PDCD4: variants seen among roughly 807,000 people sequenced by gnomAD.
The protein encoded by PDCD4 is programmed cell death protein 4.
PDCD4 carries 56 observed loss-of-function variants against 54.0 expected under a neutral mutation model. The observed-to-expected ratio is 1.04, with a 90% CI of 0.84 to 1.30. The LOEUF is 1.30. Ranked by LOEUF, PDCD4 falls within the 50% of genes most tolerant of loss-of-function variation. The pLI is 0.00. For missense variants in PDCD4, 584 were observed against 559.8 expected (o/e 1.04, Z -0.44); for synonymous variants, 186 against 194.8 (o/e 0.95, Z 0.37).
chr10:110,887,981 A>AG, intron 6 of PDCD4, 95 bp downstream of exon 6: 1 of 728,424 alleles, frequency 1.4e-6, no homozygotes, highest in East Asian at 2.6e-5. Context: ...AGTAGATGGA[A>AG]GGGGATGGCC....
In PDCD4 at chr10:110,872,526, T is replaced by TCGGCCC. The variant is rs552621530; in HGVS notation, c.-63+515_-63+520dup. On this transcript the variant is annotated intron_variant, in intron 1 of 11. Coordinates refer to ENST00000280154, the MANE Select transcript of PDCD4 (RefSeq NM_014456.5). ...CCTTCGTGAACCCGGAGCCCCGGCC[T>TCGGCCC]CGGCCCCGGCCCAGCCCCTTCCGGG... Among the ~76,000 whole-genome samples, 73 of 152,034 alleles carry TCGGCCC rather than the reference T, an allele frequency of 4.8e-4. 1 individual carries two copies. In the South Asian group the frequency reaches 0.014, roughly 29 times the overall value.
chr10:110,880,027 T>C lies in PDCD4; in HGVS notation c.44-1206T>C, dbSNP rs767959676. ...TGATTTGAGTGATTCAGCTCTGATTTGCGTTAACAATAATGAACAAAACTG... is the reference window on the plus strand; with the variant it reads ...TGATTTGAGTGATTCAGCTCTGATTCGCGTTAACAATAATGAACAAAACTG... On this transcript the variant is annotated intron_variant, in intron 2 of 11. Transcript: ENST00000280154. 2.6e-5 allele frequency among the ~76,000 whole-genome samples: 4 copies of C among 152,338 alleles called. No homozygotes were observed. In the South Asian group the frequency reaches 8.3e-4, roughly 32 times the overall value.
intron 2 of PDCD4, among the ~76,000 whole-genome samples, chr10:110,876,290 C>T (rs536417898): frequency 6.6e-6 from 1 of 152,238 alleles, no homozygotes; most frequent in South Asian, 2.1e-4. Context: ...GATAGGATTT[C>T]ACTATGTTGC....
rs1332977084 is a variant in PDCD4 at position 110,876,087 on chromosome 10, T to C, written c.43+17T>C. On this transcript the variant is annotated intron_variant, in intron 2 of 11. Transcript: ENST00000280154. ...ACCCTGCAGGTAAGTAAGGATATCC[T>C]TTTTTCTTTTTTTCTTCGTTTTGAG... 2 of 1,585,848 alleles carry C rather than the reference T, an allele frequency of 1.3e-6. No individual in the cohort carries two copies. The highest frequency in any genetic ancestry group is 1.7e-4 in the Middle Eastern group (1 of 6,018).
Position 110,894,179 on chromosome 10 carries a change from AC to A in PDCD4, c.1081del (p.His361MetfsTer9). The A allele has an allele frequency of 6.3e-7, 1 of 1,590,844 alleles. No individual in the cohort carries two copies. The highest frequency in any genetic ancestry group is 8.6e-7 in the Non-Finnish European group (1 of 1,159,098). On this transcript the variant is annotated frameshift_variant, in exon 9 of 12. Transcript: ENST00000280154. LOFTEE classifies it high-confidence loss of function. Reference sequence around the variant, plus strand: ...AAGGAACTGGAAGTACCTCATTTTCACCATGAGCTTGTATATGAAGTAAGAT... The same window carrying A: ...AAGGAACTGGAAGTACCTCATTTTCACATGAGCTTGTATATGAAGTAAGAT... ...CLKELEVPHF[H>X]HELVYEAIIM...
chr10:110,886,366 G>A (rs1402144409), intron 5 of PDCD4, among the ~76,000 whole-genome samples: 1 of 152,148 alleles, frequency 6.6e-6, no homozygotes, highest in African/African-American at 2.4e-5. Context: ...TCTGAAGGAT[G>A]TTGAGGAGTT....
chr10:110,872,885 G>A (rs945513266), intron 1 of PDCD4, among the ~76,000 whole-genome samples: 27 of 152,132 alleles, frequency 1.8e-4, no homozygotes, highest in Admixed American at 1.8e-3. Context: ...GTCTGCAGAC[G>A]TCAATTTCGC....
chr10:110,890,553 T>A lies in PDCD4; in HGVS notation c.876-3T>A. 6.3e-7 allele frequency: 1 copy of A among 1,593,890 alleles called. No individual in the cohort carries two copies. Among genetic ancestry groups the A allele is most frequent in the Non-Finnish European group, 8.6e-7 (1 of 1,165,492 alleles). On this transcript the variant is annotated splice_region_variant and splice_polypyrimidine_tract_variant and intron_variant, in intron 7 of 11. Coordinates refer to ENST00000280154, the MANE Select transcript of PDCD4 (RefSeq NM_014456.5). ...AAACTTAAATTTTTTTCTTTCTCTGTAGAGCTGCTCTGGATAAGGCTACCG... is the reference window on the plus strand; with the variant it reads ...AAACTTAAATTTTTTTCTTTCTCTGAAGAGCTGCTCTGGATAAGGCTACCG...
chr10:110,885,520 T>A lies in PDCD4; in HGVS notation c.555+154T>A, dbSNP rs566364497. On this transcript the variant is annotated intron_variant, in intron 5 of 11. Transcript: ENST00000280154. The stretch of plus-strand genomic sequence containing the variant: ...TCTAAGAAATGGAATAAAATCTCAT[T>A]ACATTAAAACAGTTATATATTTGGG... Among the ~76,000 whole-genome samples the A allele has an allele frequency of 1.4e-4, 22 of 152,248 alleles. No individual in the cohort carries two copies. The South Asian group carries it at 4.1e-3, about 29-fold the overall frequency.
intron 1 of PDCD4, 54 bp downstream of exon 1, chr10:110,872,072 C>G (rs1020713108): frequency 6.6e-6 from 1 of 152,498 alleles, no homozygotes; most frequent in Admixed American, 6.5e-5. Context: ...CCCTCTCCCC[C>G]ATCCCTCCTC....
At chr10:110,895,586 T>A (rs1375113901) in intron 10 of PDCD4, among the ~76,000 whole-genome samples, 1 of 152,198 alleles carries the variant, frequency 6.6e-6, no homozygotes, top group East Asian at 1.9e-4. Context: ...TTCCTTTGGG[T>A]ATACACCCAG....
At chr10:110,876,168 T>C in intron 2 of PDCD4, 98 bp downstream of exon 2, 1 of 921,786 alleles carries the variant, frequency 1.1e-6, no homozygotes, top group Non-Finnish European at 1.6e-6. Context: ...CATGGCTCAC[T>C]GCAGTTTTGA....
intron 2 of PDCD4, among the ~76,000 whole-genome samples, chr10:110,879,593 C>G (rs1845559101): frequency 6.7e-6 from 1 of 149,368 alleles, no homozygotes; most frequent in East Asian, 2.0e-4. Context: ...GCAGAGCTTG[C>G]AGTGAGCTGA....
At position 110,899,407 on chromosome 10, in the gene PDCD4, A is replaced by G. The variant is rs1390666987; in HGVS notation, c.*1319A>G. The stretch of plus-strand genomic sequence containing the variant: ...ATTTTTAGGTTTTTAATTGTTTGAC[A>G]CTTGGATGATAAATGCAGTCATTTT... On this transcript the variant is annotated 3_prime_UTR_variant, in exon 12 of 12. Coordinates refer to ENST00000280154, the MANE Select transcript of PDCD4 (RefSeq NM_014456.5). The G allele has an allele frequency of 6.6e-6, 1 of 152,230 alleles. No individual in the cohort carries two copies. Among genetic ancestry groups the G allele is most frequent in the Non-Finnish European group, 1.5e-5 (1 of 68,034 alleles). The allele number at this position is 152,230 out of a possible 1,614,324, so 9.4% of individuals were successfully genotyped here.
chr10:110,894,416 T>C lies in PDCD4; in HGVS notation c.1103T>C (p.Ile368Thr). ...HFHHELVYEAIIMVLESTGES... is the reference protein window; with the variant it reads ...HFHHELVYEATIMVLESTGES... ...ACTCATTGATTCAATTTTTAGGCTA[T>C]TATAATGGTTTTAGAGTCAACTGGA... The change falls in exon 10 of 12, where the codon ATT becomes ACT. Residue 368 changes from isoleucine (I) to threonine (T), a missense_variant. By Grantham distance (89) the Ile-to-Thr change is moderately conservative. Coordinates refer to ENST00000280154, the MANE Select transcript of PDCD4 (RefSeq NM_014456.5). The C allele has an allele frequency of 6.7e-7, 1 of 1,493,214 alleles. No homozygotes were observed. The highest frequency in any genetic ancestry group is 9.3e-7 in the Non-Finnish European group (1 of 1,074,216). 92.5% of individuals were successfully genotyped at this position (1,493,214 alleles called of 1,614,324 possible). A position where few individuals can be genotyped will look rare whatever the true frequency, so the allele number is the denominator to read the frequency against.
chr10:110,881,651 T>G, intron 3 of PDCD4, 116 bp downstream of exon 3: 1 of 807,804 alleles, frequency 1.2e-6, no homozygotes, highest in Admixed American at 3.1e-5. Context: ...AGTGAAAATG[T>G]AAGGCTTTAC....
chr10:110,891,304 G>T (rs565317647), intron 8 of PDCD4, among the ~76,000 whole-genome samples: 2 of 151,346 alleles, frequency 1.3e-5, no homozygotes, highest in East Asian at 3.9e-4. Context: ...CTACTCGGGA[G>T]GCTGAGGCAC....
At chr10:110,878,598 T>G (rs1443775283) in intron 2 of PDCD4, among the ~76,000 whole-genome samples, 1 of 152,224 alleles carries the variant, frequency 6.6e-6, no homozygotes, top group African/African-American at 2.4e-5. Flanking sequence ...TTTATCTCTC[T>G]TTACATTCAC....
chr10:110,880,549 A>C (rs1293410320), intron 2 of PDCD4: 1 of 152,234 alleles, frequency 6.6e-6, no homozygotes, highest in African/African-American at 2.4e-5. Flanking sequence ...CTTTTCTTGA[A>C]AGCAAACTTT....
Sources: allele counts gnomAD v4.1 joint callset (sites outside exome capture counted in the v4.1 genomes callset), GRCh38; gene constraint gnomAD v4.1.1; transcripts MANE v1.5; gene names NCBI Gene and HGNC (gene_info 2026-07-23, HGNC 2026-07-21).